The following ATG10 variants were observed in gnomAD, a reference collection of about 807,000 sequenced individuals.
ATG10 encodes the protein ubiquitin-like-conjugating enzyme ATG10.
A neutral mutation model predicts 32.1 loss-of-function variants in ATG10; 30 were observed. The observed-to-expected ratio is 0.94, with a 90% CI of 0.70 to 1.27. The LOEUF is 1.27. ATG10 is among the 50% of genes most tolerant of loss of function. The pLI, the probability that ATG10 is intolerant of heterozygous loss-of-function variation, is 0.00. For missense variants in ATG10, 233 were observed against 262.3 expected, an observed-to-expected ratio of 0.89 and a Z score of 0.77; for synonymous variants, 87 against 91.5, an observed-to-expected ratio of 0.95 and a Z score of 0.28.
chr5:82,248,369 G>A (rs890327098), intron 5 of ATG10, among the ~76,000 whole-genome samples: 3 of 152,168 alleles, frequency 2.0e-5, no homozygotes, highest in Admixed American at 1.3e-4. Context: ...TGGAAATCAG[G>A]CCAGCCCCTC....
chr5:82,122,484 A>G (rs1476299986), intron 3 of ATG10, among the ~76,000 whole-genome samples: 1 of 152,230 alleles, frequency 6.6e-6, no homozygotes, highest in Non-Finnish European at 1.5e-5. Context: ...ACCAAAAGCA[A>G]TTGCAACAAA....
chr5:82,166,359 A>G (rs1027842075), intron 4 of ATG10, among the ~76,000 whole-genome samples: 1 of 152,220 alleles, frequency 6.6e-6, no homozygotes, highest in Non-Finnish European at 1.5e-5. Context: ...TGTGTTGTGT[A>G]GAGTGGGTAT....
chr5:81,986,131 A>G (rs1761262634), intron 1 of ATG10, among the ~76,000 whole-genome samples: 1 of 151,714 alleles, frequency 6.6e-6, no homozygotes, highest in Non-Finnish European at 1.5e-5. Context: ...GATGGTCTGG[A>G]TCTCCTGACC....
intron 2 of ATG10, among the ~76,000 whole-genome samples, chr5:82,007,132 A>T (rs928030017): frequency 6.6e-6 from 1 of 152,014 alleles, no homozygotes; most frequent in East Asian, 1.9e-4. Context: ...TCTTTTAATG[A>T]CTGGCTTATT....
At chr5:82,067,370 A>T (rs1464503851) in intron 3 of ATG10, among the ~76,000 whole-genome samples, 1 of 152,170 alleles carries the variant, frequency 6.6e-6, no homozygotes, top group Non-Finnish European at 1.5e-5. Context: ...GTATATAACA[A>T]AAGTGTTTGT....
At chr5:82,004,834 G>GT (rs1400188775) in intron 2 of ATG10, among the ~76,000 whole-genome samples, 1 of 152,090 alleles carries the variant, frequency 6.6e-6, no homozygotes, top group African/African-American at 2.4e-5. Context: ...TTGTTGACCC[G>GT]TAACAAAGAG....
At chr5:82,247,859 C>T (rs1561377898) in intron 5 of ATG10, among the ~76,000 whole-genome samples, 2 of 151,590 alleles carry the variant, frequency 1.3e-5, no homozygotes, top group South Asian at 2.1e-4. Context: ...GATTTTTTTT[C>T]CCTGTAAGTG....
intron 1 of ATG10, among the ~76,000 whole-genome samples, chr5:81,981,516 A>G (rs942503187): frequency 6.6e-6 from 1 of 152,216 alleles, no homozygotes; most frequent in African/African-American, 2.4e-5. Context: ...TGTTTTTTAA[A>G]AAAGAGTCTA....
intron 1 of ATG10, among the ~76,000 whole-genome samples, chr5:81,978,886 A>G (rs562466048): frequency 6.6e-6 from 1 of 152,154 alleles, no homozygotes; most frequent in Non-Finnish European, 1.5e-5. Context: ...GAATAAGTCC[A>G]TTCAAATTTT....
chr5:82,006,963 C>G (rs1339364248), intron 2 of ATG10, among the ~76,000 whole-genome samples: 2 of 152,126 alleles, frequency 1.3e-5, no homozygotes, highest in Non-Finnish European at 2.9e-5. Context: ...AAGTGATTCT[C>G]CTGCCTCAGC....
At chr5:82,047,858 G>A (rs10942289) in intron 2 of ATG10, among the ~76,000 whole-genome samples, 71,070 of 152,044 alleles carry the variant, frequency 0.47, 17,666 homozygotes, top group East Asian at 0.79. Context: ...TAGGTCTAAC[G>A]TTAAAGTCTT....
chr5:82,010,043 C>G, intron 2 of ATG10: 1 of 1,610,840 alleles, frequency 6.2e-7, no homozygotes, highest in South Asian at 1.1e-5. Flanking sequence ...AGACGCGGCC[C>G]AAGGGCTCGC....
intron 2 of ATG10, among the ~76,000 whole-genome samples, chr5:82,019,056 TAAATG>T (rs1335715035): frequency 6.6e-6 from 1 of 152,188 alleles, no homozygotes; most frequent in African/African-American, 2.4e-5. Context: ...AAAGTTTTGT[TAAATG>T]AGTGAGTGAG....
intron 5 of ATG10, among the ~76,000 whole-genome samples, chr5:82,196,571 G>T (rs572371712): frequency 2.0e-5 from 3 of 152,228 alleles, no homozygotes; most frequent in African/African-American, 7.2e-5. Flanking sequence ...TAGCAATGAG[G>T]TAGGGGTGCA....
rs1448560206 is a variant in ATG10, at chr5:82,082,292, A to G, written c.216+23690A>G. ...TTTTTTCCTAGACACCTTGGCCACA[A>G]TGATTTATAACAATTCATATATTCT... On this transcript the variant is annotated intron_variant, in intron 3 of 7. Coordinates refer to ENST00000282185, the MANE Select transcript of ATG10 (RefSeq NM_031482.5). Among the ~76,000 whole-genome samples, 10 of 152,310 alleles carry G rather than the reference A, an allele frequency of 6.6e-5. 1 individual carries two copies. In the East Asian group the frequency reaches 7.7e-4, roughly 12 times the overall value.
chr5:82,243,652 T>G (rs1276315830), intron 5 of ATG10, among the ~76,000 whole-genome samples: 1 of 152,096 alleles, frequency 6.6e-6, no homozygotes, highest in Non-Finnish European at 1.5e-5. Flanking sequence ...CTTCCGGATA[T>G]ATAAAGCAAA....
At chr5:82,028,949 G>C (rs1762668937) in intron 2 of ATG10, among the ~76,000 whole-genome samples, 1 of 152,146 alleles carries the variant, frequency 6.6e-6, no homozygotes. Context: ...ATTGTGGTTA[G>C]GCTGTGTCAC....
At chr5:82,223,878 G>A (rs772546503) in intron 5 of ATG10, among the ~76,000 whole-genome samples, 4 of 152,124 alleles carry the variant, frequency 2.6e-5, no homozygotes, top group Non-Finnish European at 5.9e-5. Context: ...TGGTAGATGA[G>A]GAAGGAAATG....
chr5:82,175,000 G>A (rs193049110), intron 4 of ATG10, among the ~76,000 whole-genome samples: 5 of 152,258 alleles, frequency 3.3e-5, no homozygotes, highest in African/African-American at 4.8e-5. Context: ...GGTTTGGAGA[G>A]GGTATTCATG....
Sources: gnomAD v4.1 joint callset for allele counts (sites outside exome capture counted in the v4.1 genomes callset) on GRCh38, gnomAD v4.1.1 for gene constraint, MANE v1.5 for transcripts, NCBI Gene and HGNC (gene_info 2026-07-23, HGNC 2026-07-21) for gene names.